The following SH3BGRL2 variants were observed in gnomAD, a reference collection of about 807,000 sequenced individuals.
SH3BGRL2 encodes the protein SH3 domain binding glutamate rich protein like 2.
SH3BGRL2 carries 21 observed loss-of-function variants against 14.8 expected under a neutral mutation model. The observed-to-expected ratio is 1.42, with a 90% CI of 1.01 to 2.05. The LOEUF (loss-of-function observed/expected upper bound fraction) is 2.05. Ranked by LOEUF, SH3BGRL2 falls within the 30% of genes most tolerant of loss-of-function variation. SH3BGRL2 has a pLI of 0.00. For synonymous variants in SH3BGRL2, 50 were observed against 47.8 expected (o/e 1.05, Z -0.19); for missense variants, 147 against 130.8 (o/e 1.12, Z -0.61).
chr6:79,638,614 A>C (rs1768971614), intron 1 of SH3BGRL2, among the ~76,000 whole-genome samples: 2 of 152,076 alleles, frequency 1.3e-5, no homozygotes, highest in African/African-American at 4.8e-5. Context: ...AGCATTTGTT[A>C]CTTGGGGCCT....
intron 1 of SH3BGRL2, among the ~76,000 whole-genome samples, chr6:79,659,748 A>T (rs186711767): frequency 6.6e-6 from 1 of 152,016 alleles, no homozygotes; most frequent in African/African-American, 2.4e-5. Context: ...CATTTTCACG[A>T]TACTGATTCT....
At chr6:79,669,925 G>C (rs150080591) in intron 1 of SH3BGRL2, among the ~76,000 whole-genome samples, 18 of 152,318 alleles carry the variant, frequency 1.2e-4, no homozygotes, top group African/African-American at 3.8e-4. Flanking sequence ...AGGGAACTTT[G>C]ATCCGGAAGT....
chr6:79,679,293 A>G (rs1320556221), intron 2 of SH3BGRL2, among the ~76,000 whole-genome samples: 1 of 151,810 alleles, frequency 6.6e-6, no homozygotes, highest in East Asian at 1.9e-4. Flanking sequence ...TGACCTTTTA[A>G]TAATGGCCAT....
chr6:79,568,593 T>G, the SH3BGRL2 span, among the ~76,000 whole-genome samples: 1 of 152,276 alleles, frequency 6.6e-6, no homozygotes, highest in Non-Finnish European at 1.5e-5. Flanking sequence ...GGAGGAATGA[T>G]AACCCATAGC....
the SH3BGRL2 span, among the ~76,000 whole-genome samples, chr6:79,609,722 A>G: frequency 6.6e-6 from 1 of 152,212 alleles, no homozygotes; most frequent in South Asian, 2.1e-4. Context: ...TATTCCCATT[A>G]GCTGTCAGGA....
At position 79,666,181 on chromosome 6, in the gene SH3BGRL2, G is replaced by A. The variant is rs547014655; in HGVS notation, c.46-7433G>A. 1.7e-4 allele frequency among the ~76,000 whole-genome samples: 26 copies of A among 152,254 alleles called. No homozygotes were observed. The South Asian group carries it at 5.2e-3, about 30-fold the overall frequency. ...AGTCTGGAGGCTGAACTTGTCGAGG[G>A]CCTGCCTTGCTGGGATTCTCTTGGC... On this transcript the variant is annotated intron_variant, in intron 1 of 3. Coordinates refer to ENST00000369838, the MANE Select transcript of SH3BGRL2 (RefSeq NM_031469.4).
At chr6:79,598,530 C>T in the SH3BGRL2 span, among the ~76,000 whole-genome samples, 1 of 152,032 alleles carries the variant, frequency 6.6e-6, no homozygotes, top group African/African-American at 2.4e-5. Context: ...TTGTATGATT[C>T]CAGCTATAGG....
At chr6:79,600,684 G>A in the SH3BGRL2 span, among the ~76,000 whole-genome samples, 1 of 152,092 alleles carries the variant, frequency 6.6e-6, no homozygotes, top group Non-Finnish European at 1.5e-5. Context: ...CGGGAGCTGG[G>A]AGAAAACCAA....
In SH3BGRL2 at chr6:79,672,429, A is replaced by T. The variant is rs1769792064; in HGVS notation, c.46-1185A>T. ...TTCTTATTTTTCTCCATTTTTTTTT[A>T]AAGTGGGCTTAGTCTACATATAGTT... On this transcript the variant is annotated intron_variant, in intron 1 of 3. Coordinates refer to ENST00000369838, the MANE Select transcript of SH3BGRL2 (RefSeq NM_031469.4). Among the ~76,000 whole-genome samples the T allele has an allele frequency of 1.3e-5, 2 of 151,976 alleles. 1 individual carries two copies. Among genetic ancestry groups the T allele is most frequent in the African/African-American group, 4.8e-5 (2 of 41,382 alleles).
chr6:79,633,034 C>T (rs1162742968), intron 1 of SH3BGRL2, among the ~76,000 whole-genome samples: 1 of 152,208 alleles, frequency 6.6e-6, no homozygotes, highest in Non-Finnish European at 1.5e-5. Context: ...AAGGTAATGA[C>T]TTGGCTTACT....
chr6:79,613,618 T>G, the SH3BGRL2 span, among the ~76,000 whole-genome samples: 36 of 152,182 alleles, frequency 2.4e-4, 1 homozygote, highest in African/African-American at 8.2e-4. Context: ...CTCTTTTTTT[T>G]TCTTTTTTTT....
chr6:79,585,044 C>CT, the SH3BGRL2 span, among the ~76,000 whole-genome samples: 27,275 of 134,856 alleles, frequency 0.2, 3,093 homozygotes, highest in East Asian at 0.57. Context: ...CAAAACCCAC[C>CT]TTTTTTTTTT....
the SH3BGRL2 span, among the ~76,000 whole-genome samples, chr6:79,617,976 A>G: frequency 6.6e-6 from 1 of 152,248 alleles, no homozygotes; most frequent in African/African-American, 2.4e-5. Flanking sequence ...GTTCCATAGT[A>G]ACCTTATATT....
At chr6:79,590,286 G>T in the SH3BGRL2 span, among the ~76,000 whole-genome samples, 2 of 151,654 alleles carry the variant, frequency 1.3e-5, no homozygotes, top group East Asian at 3.9e-4. Context: ...CCATTACTGG[G>T]TATATGCCCA....
intron 1 of SH3BGRL2, among the ~76,000 whole-genome samples, chr6:79,650,084 A>G (rs1769256430): frequency 6.6e-6 from 1 of 152,088 alleles, no homozygotes; most frequent in African/African-American, 2.4e-5. Flanking sequence ...ATGGAGAATT[A>G]TATGGCTGAA....
chr6:79,654,995 A>G (rs1392768173), intron 1 of SH3BGRL2, among the ~76,000 whole-genome samples: 3 of 152,140 alleles, frequency 2.0e-5, no homozygotes, highest in Non-Finnish European at 4.4e-5. Flanking sequence ...TTAATCTTAT[A>G]AAGGGGGAAT....
the SH3BGRL2 span, among the ~76,000 whole-genome samples, chr6:79,625,778 A>T: frequency 6.6e-6 from 1 of 152,238 alleles, no homozygotes; most frequent in Admixed American, 6.5e-5. Context: ...GCCTTGCAAC[A>T]GCCAGGAAGA....
chr6:79,630,272 G>A (rs552593173), upstream of SH3BGRL2, among the ~76,000 whole-genome samples: 1 of 152,168 alleles, frequency 6.6e-6, no homozygotes, highest in Non-Finnish European at 1.5e-5. Flanking sequence ...TGCAAGAAAT[G>A]TATCAAAGAG....
Position 79,631,468 on chromosome 6 carries a change from A to G in SH3BGRL2, c.7A>G (p.Ile3Val), listed in dbSNP as rs1288118197. The change falls in exon 1 of 4, where the codon ATC (isoleucine) becomes GTC (valine). Residue 3 changes from isoleucine to valine, a missense_variant. Physicochemically the swap from Ile to Val is conservative, Grantham distance 29. Transcript: ENST00000369838. MVIRVFIASSSGF... is the reference protein window; with the variant it reads MVVRVFIASSSGF... ...TCCCGGGCGCAGCGAGAGGATGGTC[A>G]TCCGCGTGTTCATCGCCTCTTCCTC... 6.6e-6 allele frequency: 10 copies of G among 1,511,682 alleles called. No individual in the cohort carries two copies. Among genetic ancestry groups the G allele is most frequent in the Non-Finnish European group, 8.9e-6 (10 of 1,128,382 alleles). The allele number at this position is 1,511,682 out of a possible 1,614,324, so 93.6% of individuals were successfully genotyped here.
Sources: gnomAD v4.1 joint callset for allele counts (sites outside exome capture counted in the v4.1 genomes callset) on GRCh38, gnomAD v4.1.1 for gene constraint, MANE v1.5 for transcripts, NCBI Gene and HGNC (gene_info 2026-07-23, HGNC 2026-07-21) for gene names.